The following KLHL3 variants were observed in gnomAD, a reference collection of about 807,000 sequenced individuals.
KLHL3 encodes kelch like family member 3.
KLHL3 carries 19 observed loss-of-function variants against 70.5 expected under a neutral mutation model. The ratio of observed to expected loss-of-function variants is 0.27; its 90% CI spans 0.19 to 0.40. The LOEUF is 0.40. KLHL3 is among the 10% of genes least tolerant of loss of function. The pLI, the probability that KLHL3 is intolerant of heterozygous loss-of-function variation, is 1.00. For synonymous variants in KLHL3, 258 were observed against 290.3 expected (o/e 0.89, Z 1.13); for missense variants, 512 against 771.1 (o/e 0.66, Z 3.98).
rs1426826469 is a variant in KLHL3, at chr5:137,675,872, C to T, written c.636+1673G>A. On this transcript the variant is annotated intron_variant, in intron 6 of 14. Transcript: ENST00000309755. ...TGAGTGCTTCCATTTTCTCACTCTA[C>T]ACTTAGAACATGCTCAGGGGGGCCC... Among the ~76,000 whole-genome samples, 3 of 152,228 alleles carry T rather than the reference C, an allele frequency of 2.0e-5. 1 individual carries two copies. In the East Asian group the frequency reaches 5.8e-4, roughly 29 times the overall value.
chr5:137,642,316 T>C (rs903137573), intron 8 of KLHL3, among the ~76,000 whole-genome samples: 4 of 152,246 alleles, frequency 2.6e-5, no homozygotes, highest in Admixed American at 2.6e-4. Context: ...TTCCCATCTC[T>C]GAGCACTCTG....
chr5:137,644,392 A>C (rs1301647583), intron 8 of KLHL3, among the ~76,000 whole-genome samples: 2 of 152,180 alleles, frequency 1.3e-5, no homozygotes, highest in Non-Finnish European at 2.9e-5. Context: ...AATAGTATAT[A>C]TACCTCATTT....
At chr5:137,667,016 A>T (rs771893952) in intron 6 of KLHL3, among the ~76,000 whole-genome samples, 2 of 152,176 alleles carry the variant, frequency 1.3e-5, no homozygotes, top group Admixed American at 6.5e-5. Flanking sequence ...CTCTAAATCC[A>T]TTATTCTTAG....
chr5:137,691,923 G>A (rs778489643), intron 5 of KLHL3, among the ~76,000 whole-genome samples: 4 of 152,040 alleles, frequency 2.6e-5, no homozygotes, highest in African/African-American at 9.7e-5. Context: ...CAGCCAGTAC[G>A]TGACTTTTAA....
At chr5:137,680,593 A>C (rs1441127534) in intron 5 of KLHL3, among the ~76,000 whole-genome samples, 2 of 147,020 alleles carry the variant, frequency 1.4e-5, no homozygotes, top group East Asian at 4.0e-4. Flanking sequence ...CCCAGGGTGG[A>C]GTGCAATGGC....
At chr5:137,642,255 G>C (rs1750929689) in intron 8 of KLHL3, among the ~76,000 whole-genome samples, 1 of 152,190 alleles carries the variant, frequency 6.6e-6, no homozygotes, top group Non-Finnish European at 1.5e-5. Context: ...CTTTCTGCAA[G>C]GACTTCAGGC....
At chr5:137,658,397 A>T (rs41298964) in intron 7 of KLHL3, 117 bp from the exon 8 acceptor site, 695 of 959,132 alleles carry the variant, frequency 7.2e-4, no homozygotes, top group Admixed American at 2.0e-3. Context: ...TCACCACATC[A>T]TCTCAGACCC....
In KLHL3 at chr5:137,628,436, C is replaced by T; in HGVS notation, c.1452G>A (p.Gly484=). The T allele has an allele frequency of 6.2e-7, 1 of 1,614,130 alleles. No individual in the cohort carries two copies. The highest frequency in any genetic ancestry group is 1.7e-5 in the Admixed American group (1 of 60,026). The change falls in exon 13 of 15, where the codon GGG becomes GGA. Residue 484 remains glycine, a splice_region_variant and synonymous_variant. Transcript: ENST00000309755. The part of the protein sequence containing the change: ...ADMSTRRSGA[G]VGVLSGQLYA... ...ACAGCTGTCCGCTAAGCACTCCAAC[C>T]CCTGAAAGGCAGAGCACAGCATCCC...
intron 5 of KLHL3, among the ~76,000 whole-genome samples, chr5:137,679,668 A>G (rs922771954): frequency 1.3e-5 from 2 of 152,238 alleles, no homozygotes; most frequent in African/African-American, 4.8e-5. Context: ...AAATCAAGAC[A>G]AAAAGTAGTC....
chr5:137,672,202 C>A (rs1751777421), intron 6 of KLHL3, among the ~76,000 whole-genome samples: 1 of 152,200 alleles, frequency 6.6e-6, no homozygotes, highest in Non-Finnish European at 1.5e-5. Context: ...GCCTAGGCAG[C>A]AGGGTACACC....
chr5:137,686,939 T>C (rs1580761062), intron 5 of KLHL3, among the ~76,000 whole-genome samples: 4 of 8,520 alleles, frequency 4.7e-4, no homozygotes, highest in Non-Finnish European at 7.0e-4. Context: ...GGAGCCCCTC[T>C]GCCCGGCCAG....
rs973294639 is a variant in KLHL3 at position 137,639,275 on chromosome 5, G to A, written c.1022-125C>T. On this transcript the variant is annotated intron_variant, in intron 9 of 14. Coordinates refer to ENST00000309755, the MANE Select transcript of KLHL3 (RefSeq NM_017415.3). This position sits in a 1 kb window ranked among gnomAD's most constrained non-coding sequence, Gnocchi z 5.0. ...GCCACCGAAGATACTTTAGGTATTT[G>A]GCAGTCATTATGGGATTCACTGGAT... 1 of 834,288 alleles carries A rather than the reference G, an allele frequency of 1.2e-6. No individual in the cohort carries two copies. The highest frequency in any genetic ancestry group is 1.7e-5 in the African/African-American group (1 of 59,166). The allele number at this position is 834,288 out of a possible 1,614,324, so 51.7% of individuals were successfully genotyped here. A position where few individuals can be genotyped will look rare whatever the true frequency, so the allele number is the denominator to read the frequency against.
intron 6 of KLHL3, among the ~76,000 whole-genome samples, chr5:137,671,536 G>A (rs1327035054): frequency 6.6e-6 from 1 of 152,142 alleles, no homozygotes; most frequent in Non-Finnish European, 1.5e-5. Context: ...TTGGGAGGCA[G>A]ACACACACAG....
intron 4 of KLHL3, among the ~76,000 whole-genome samples, chr5:137,698,030 G>A (rs1055657001): frequency 2.6e-5 from 4 of 152,126 alleles, no homozygotes; most frequent in Admixed American, 2.0e-4. Context: ...TTCTACTCCC[G>A]GGGCCCAGGC....
chr5:137,721,528 T>C (rs2149935729), intron 1 of KLHL3, among the ~76,000 whole-genome samples: 1 of 152,354 alleles, frequency 6.6e-6, no homozygotes, highest in Non-Finnish European at 1.5e-5. Flanking sequence ...TTTGGGAAAC[T>C]GTAATCCCAT....
In KLHL3 at chr5:137,662,020, A is replaced by G; in HGVS notation, c.648T>C (p.Ala216=). 1 of 1,599,584 alleles carries G rather than the reference A, an allele frequency of 6.3e-7. No individual in the cohort carries two copies. The highest frequency in any genetic ancestry group is 1.3e-5 in the African/African-American group (1 of 74,574). Residue 216 remains alanine (A), a synonymous_variant, in exon 7 of 15, where the codon GCT becomes GCC. Transcript: ENST00000309755. The part of the protein sequence containing the change: ...TVSSEEKVFE[A]VISWINYEKE... ...TCTCATAATTGATCCATGAGATCAC[A>G]GCTTCAAACACCTATAAAGAAAAGC...
At chr5:137,713,431 A>G (rs1752836459) in intron 2 of KLHL3, among the ~76,000 whole-genome samples, 1 of 152,208 alleles carries the variant, frequency 6.6e-6, no homozygotes, top group African/African-American at 2.4e-5. Flanking sequence ...CAACTGGGAA[A>G]AAAACAGTCT....
At chr5:137,665,051 C>T (rs1751579830) in intron 6 of KLHL3, among the ~76,000 whole-genome samples, 1 of 152,084 alleles carries the variant, frequency 6.6e-6, no homozygotes, top group Non-Finnish European at 1.5e-5. Context: ...TACAATTCTT[C>T]CTAAAATATT....
intron 5 of KLHL3, among the ~76,000 whole-genome samples, chr5:137,691,002 T>C (rs1752307578): frequency 6.6e-6 from 1 of 152,190 alleles, no homozygotes; most frequent in African/African-American, 2.4e-5. Context: ...CTGGAACAAG[T>C]GGCAATGAAG....
Sources: allele counts gnomAD v4.1 joint callset (sites outside exome capture counted in the v4.1 genomes callset), GRCh38; gene constraint gnomAD v4.1.1; non-coding constraint Gnocchi (gnomAD v3.1); transcripts MANE v1.5; gene names NCBI Gene and HGNC (gene_info 2026-07-23, HGNC 2026-07-21).